GLI3: variants seen among roughly 807,000 people sequenced by gnomAD.
The protein encoded by GLI3 is transcription activator GLI3.
A neutral mutation model predicts 100.8 loss-of-function variants in GLI3; 20 were observed. The observed-to-expected ratio is 0.20, with a 90% CI of 0.14 to 0.29. The LOEUF (loss-of-function observed/expected upper bound fraction) is 0.29. GLI3 is among the 10% of genes least tolerant of loss of function. The probability of loss-of-function intolerance (pLI) is 1.00; values close to 1 mark genes in which losing one functional copy is unlikely to be tolerated. For synonymous variants in GLI3, 938 were observed against 860.5 expected, an observed-to-expected ratio of 1.09 and a Z score of -1.58; for missense variants, 2,040 against 2,128.5, an observed-to-expected ratio of 0.96 and a Z score of 0.82.
chr7:42,113,737 T>C (rs1785775666), intron 3 of GLI3: 8 of 598,300 alleles, frequency 1.3e-5, no homozygotes, highest in Non-Finnish European at 2.1e-5. Context: ...GCTATGTTGT[T>C]AGCACACAGA....
intron 10 of GLI3, among the ~76,000 whole-genome samples, chr7:42,020,468 C>A (rs1414644706): frequency 6.6e-6 from 1 of 152,050 alleles, no homozygotes; most frequent in African/African-American, 2.4e-5. Flanking sequence ...CTGTCAGACA[C>A]TAGATAGACA....
chr7:42,172,546 A>C (rs1419398682), intron 2 of GLI3: 1 of 702,926 alleles, frequency 1.4e-6, no homozygotes, highest in African/African-American at 1.7e-5. Flanking sequence ...GTTTGTACGC[A>C]TTCTTTGGAG....
intron 2 of GLI3, among the ~76,000 whole-genome samples, chr7:42,171,459 T>C (rs1787371616): frequency 6.6e-6 from 1 of 152,270 alleles, no homozygotes; most frequent in South Asian, 2.1e-4. Context: ...GAAGGAAATG[T>C]ACTAAAATGT....
At position 42,002,136 on chromosome 7, in the gene GLI3, C is replaced by A. The variant is rs551122396; in HGVS notation, c.1497+21332G>T. On this transcript the variant is annotated intron_variant, in intron 10 of 14. Coordinates refer to ENST00000395925, the MANE Select transcript of GLI3 (RefSeq NM_000168.6). ...AATTGAGAGGGCACACAAAAATTCACATTCAAAATAAATGACTCATTGCCA... is the reference window on the plus strand; with the variant it reads ...AATTGAGAGGGCACACAAAAATTCAAATTCAAAATAAATGACTCATTGCCA... 8.8e-4 allele frequency among the ~76,000 whole-genome samples: 134 copies of A among 152,156 alleles called. 2 individuals are homozygous for A. The highest frequency in any genetic ancestry group is 3.2e-3 in the African/African-American group (134 of 41,520).
At chr7:42,189,187 A>G (rs1787778184) in intron 2 of GLI3, among the ~76,000 whole-genome samples, 1 of 152,210 alleles carries the variant, frequency 6.6e-6, no homozygotes, top group Admixed American at 6.5e-5. Flanking sequence ...TTTAAAAAGA[A>G]TGCCTTAAAT....
chr7:42,182,601 G>C (rs1198437609), intron 2 of GLI3, among the ~76,000 whole-genome samples: 1 of 128,788 alleles, frequency 7.8e-6, no homozygotes, highest in Non-Finnish European at 1.6e-5. Flanking sequence ...GCCTCACATA[G>C]TATTAAAAAA....
intron 12 of GLI3, among the ~76,000 whole-genome samples, chr7:41,973,330 G>T (rs1260495638): frequency 1.3e-5 from 2 of 152,198 alleles, no homozygotes; most frequent in Non-Finnish European, 2.9e-5. Context: ...AGGGCTGACG[G>T]ATGTTCTGGG....
intron 3 of GLI3, among the ~76,000 whole-genome samples, chr7:42,117,514 T>C (rs1785889656): frequency 6.6e-6 from 1 of 152,208 alleles, no homozygotes; most frequent in Admixed American, 6.5e-5. Context: ...TGACTGAGCA[T>C]TCCTAATGGG....
intron 1 of GLI3, 40 bp from the exon 2 acceptor site, chr7:42,223,335 G>GTA: frequency 7.3e-5 from 68 of 932,072 alleles, no homozygotes; most frequent in Non-Finnish European, 7.6e-5. Flanking sequence ...CCAAAATGGT[G>GTA]GAAAAAAAAA....
chr7:42,130,723 A>G (rs1471922159), intron 3 of GLI3, among the ~76,000 whole-genome samples: 1 of 152,214 alleles, frequency 6.6e-6, no homozygotes, highest in South Asian at 2.1e-4. Context: ...TAAAGATAGA[A>G]TAGAAATCAT....
intron 3 of GLI3, among the ~76,000 whole-genome samples, chr7:42,091,744 T>C (rs1002786367): frequency 3.9e-5 from 6 of 152,222 alleles, no homozygotes; most frequent in Admixed American, 1.3e-4. Flanking sequence ...GCTGCAGCAA[T>C]ATCCGCTCGC....
rs906643951 is a variant in GLI3, at chr7:42,174,132, T to G, written c.125-25664A>C. On this transcript the variant is annotated intron_variant, in intron 2 of 14. Coordinates refer to ENST00000395925, the MANE Select transcript of GLI3 (RefSeq NM_000168.6). ...CTCTCAAATATGTACAAGCCATTTATAGTTAAAATACTAGATAAAACATAA... is the reference window on the plus strand; with the variant it reads ...CTCTCAAATATGTACAAGCCATTTAGAGTTAAAATACTAGATAAAACATAA... Among the ~76,000 whole-genome samples the G allele has an allele frequency of 3.3e-5, 5 of 152,158 alleles. No homozygotes were observed. The East Asian group carries it at 9.6e-4, about 29-fold the overall frequency.
rs141481106 is a variant in GLI3 at position 42,062,791 on chromosome 7, C to T, written c.473+13961G>A. Among the ~76,000 whole-genome samples the T allele has an allele frequency of 6.3e-3, 960 of 152,146 alleles. 6 individuals carry two copies. The highest frequency in any genetic ancestry group is 0.01 in the Admixed American group (155 of 15,262). On this transcript the variant is annotated intron_variant, in intron 4 of 14. Transcript: ENST00000395925. ...AATTGAAGAGGCTTTGTGTCAAGTACAGCTAAATCCAGCCTTTCCATATCA... is the reference window on the plus strand; with the variant it reads ...AATTGAAGAGGCTTTGTGTCAAGTATAGCTAAATCCAGCCTTTCCATATCA...
chr7:42,040,374 C>T (rs1784109176), intron 6 of GLI3, 135 bp from the exon 7 acceptor site: 1 of 715,862 alleles, frequency 1.4e-6, no homozygotes, highest in Non-Finnish European at 2.5e-6. Flanking sequence ...TCTCCTCCCC[C>T]ATGTGATCTA....
chr7:42,159,933 T>C (rs1787093807), intron 2 of GLI3, among the ~76,000 whole-genome samples: 1 of 152,198 alleles, frequency 6.6e-6, no homozygotes, highest in Non-Finnish European at 1.5e-5. Flanking sequence ...TGGGTATTAA[T>C]GGCATCAACT....
chr7:42,120,428 A>T (rs1049421413), intron 3 of GLI3, among the ~76,000 whole-genome samples: 3 of 152,218 alleles, frequency 2.0e-5, no homozygotes, highest in Admixed American at 6.5e-5. Context: ...CACAGCAGAA[A>T]GACTAACTGA....
At chr7:42,250,506 G>C (rs931508572) in intron 1 of GLI3, among the ~76,000 whole-genome samples, 9 of 152,182 alleles carry the variant, frequency 5.9e-5, no homozygotes, top group African/African-American at 1.9e-4. Flanking sequence ...TGAGATGTGT[G>C]GCCCAGCACT....
intron 10 of GLI3, among the ~76,000 whole-genome samples, chr7:41,981,714 G>A (rs1787673032): frequency 1.3e-5 from 2 of 152,204 alleles, no homozygotes; most frequent in South Asian, 4.1e-4. Context: ...GATTGGACCT[G>A]AGATTGGACG....
At chr7:41,991,149 G>A (rs1423349827) in intron 10 of GLI3, among the ~76,000 whole-genome samples, 7 of 152,156 alleles carry the variant, frequency 4.6e-5, no homozygotes, top group East Asian at 3.8e-4. Flanking sequence ...GGTTGGCTGC[G>A]GGAATGCAGA....
Sources: allele counts gnomAD v4.1 joint callset (sites outside exome capture counted in the v4.1 genomes callset), GRCh38; gene constraint gnomAD v4.1.1; transcripts MANE v1.5; gene names NCBI Gene and HGNC (gene_info 2026-07-23, HGNC 2026-07-21).